BCL2: variants seen among roughly 807,000 people sequenced by gnomAD.
The protein encoded by BCL2 is BCL2 apoptosis regulator, also known as apoptosis regulator Bcl-2.
A neutral mutation model predicts 14.2 loss-of-function variants in BCL2; 1 was observed. The ratio of observed to expected loss-of-function variants is 0.07; its 90% confidence interval spans 0.02 to 0.33. The LOEUF is 0.33. Ranked by LOEUF, BCL2 falls within the 10% of genes least tolerant of loss-of-function variation. The probability of loss-of-function intolerance (pLI) is 0.99; values close to 1 mark genes in which losing one functional copy is unlikely to be tolerated. For synonymous variants in BCL2, 151 were observed against 137.2 expected (o/e 1.10, Z -0.70); for missense variants, 247 against 305.9 (o/e 0.81, Z 1.44).
rs1324896870 is a variant in BCL2, at chr18:63,311,026, CT to C, written c.585+7055del. Among the ~76,000 whole-genome samples, 1,248 of 140,134 alleles carry C rather than the reference CT, an allele frequency of 8.9e-3. 28 individuals are homozygous for C. The highest frequency in any genetic ancestry group is 0.053 in the Admixed American group (740 of 14,070). The allele number at this position is 140,134 out of a possible 152,430, so 91.9% of individuals were successfully genotyped here. ...AATGCTGCCATCCTTTATGGACTCG[CT>C]TTTTTTTTTTCAAGAAGATAAATCA... On this transcript the variant is annotated intron_variant, in intron 2 of 2. Coordinates refer to ENST00000333681, the MANE Select transcript of BCL2 (RefSeq NM_000633.3).
intron 2 of BCL2, among the ~76,000 whole-genome samples, chr18:63,269,652 C>T (rs1911946116): frequency 6.6e-6 from 1 of 152,160 alleles, no homozygotes; most frequent in African/African-American, 2.4e-5. Context: ...AAGCAACATA[C>T]ATCAGAGTTT....
chr18:63,318,526 G>T lies in BCL2; in HGVS notation c.141C>A (p.Gly47=). ...AAPPGAAPAP[G]IFSSQPGHTP... is the part of the protein sequence containing the mutation. The stretch of plus-strand genomic sequence containing the variant: ...TGTGCCCGGGCTGGGAGGAGAAGAT[G>T]CCCGGTGCGGGGGCGGCCCCCGGGG... The change falls in exon 2 of 3, where the codon GGC becomes GGA. Residue 47 remains glycine, a synonymous_variant. Transcript: ENST00000333681. The surrounding 1 kb of genome is among the most constrained non-coding windows in gnomAD (Gnocchi z 7.4). 1 of 1,575,394 alleles carries T rather than the reference G, an allele frequency of 6.3e-7. No individual in the cohort carries two copies. The highest frequency in any genetic ancestry group is 8.6e-7 in the Non-Finnish European group (1 of 1,166,090).
At chr18:63,281,836 T>C (rs1016693809) in intron 2 of BCL2, among the ~76,000 whole-genome samples, 14 of 152,356 alleles carry the variant, frequency 9.2e-5, no homozygotes, top group African/African-American at 3.4e-4. Flanking sequence ...AATTTTAACA[T>C]GTTAAGAACA....
chr18:63,169,377 T>TTCTTTCTTTCTTTCTTTCTTTC (rs1568222744), intron 2 of BCL2, among the ~76,000 whole-genome samples: 1 of 119,604 alleles, frequency 8.4e-6, no homozygotes, highest in East Asian at 3.0e-4. Context: ...TTCTCTTTCT[T>TTCTTTCTTTCTTTCTTTCTTTC]TCTTTCTTTC....
chr18:63,212,574 T>C (rs905324505), intron 2 of BCL2, among the ~76,000 whole-genome samples: 1 of 148,946 alleles, frequency 6.7e-6, no homozygotes, highest in Non-Finnish European at 1.5e-5. Context: ...CCAAGCTTTC[T>C]CAAATAAAAG....
rs765644873 is a variant in BCL2 at position 63,318,675 on chromosome 18, G to A, written c.-9C>T. Reference sequence around the variant, plus strand: ...CTCCCAGCGTGCGCCATCCTTCCCAGAGGAAAAGCAACGGGGGCCAACGGC... The same window carrying A: ...CTCCCAGCGTGCGCCATCCTTCCCAAAGGAAAAGCAACGGGGGCCAACGGC... On this transcript the variant is annotated 5_prime_UTR_variant, in exon 2 of 3. Coordinates refer to ENST00000333681, the MANE Select transcript of BCL2 (RefSeq NM_000633.3). The surrounding 1 kb of genome is among the most constrained non-coding windows in gnomAD (Gnocchi z 7.4). 1.2e-6 allele frequency: 2 copies of A among 1,612,452 alleles called. No homozygotes were observed. The highest frequency in any genetic ancestry group is 2.2e-5 in the South Asian group (2 of 91,056).
At chr18:63,258,902 G>A (rs957010124) in intron 2 of BCL2, among the ~76,000 whole-genome samples, 8 of 152,254 alleles carry the variant, frequency 5.3e-5, no homozygotes, top group African/African-American at 1.9e-4. Context: ...GAACAGTGGT[G>A]AGCTTGTCAC....
At position 63,318,282 on chromosome 18, in the gene BCL2, G is replaced by T. The variant is rs777784952; in HGVS notation, c.385C>A (p.Arg129Ser). 15 of 1,614,118 alleles carry T rather than the reference G, an allele frequency of 9.3e-6. No homozygotes were observed. The highest frequency in any genetic ancestry group is 1.3e-5 in the Non-Finnish European group (15 of 1,180,022). Residue 129 changes from arginine to serine, a missense_variant, in exon 2 of 3, where the codon CGC becomes AGC. Arg to Ser is a moderately radical substitution (Grantham distance 110). Coordinates refer to ENST00000333681, the MANE Select transcript of BCL2 (RefSeq NM_000633.3). This position sits in a 1 kb window ranked among gnomAD's most constrained non-coding sequence, Gnocchi z 7.4. ...AGCTCCTCCACCACCGTGGCAAAGCGTCCCCGCGCGGTGAAGGGCGTCAGG... is the reference window on the plus strand; with the variant it reads ...AGCTCCTCCACCACCGTGGCAAAGCTTCCCCGCGCGGTGAAGGGCGTCAGG... Reference protein sequence around the residue: ...LHLTPFTARGRFATVVEELFR... With the variant: ...LHLTPFTARGSFATVVEELFR...
Position 63,212,208 on chromosome 18 carries a change from C to T in BCL2, c.586-83449G>A, listed in dbSNP as rs575314079. Among the ~76,000 whole-genome samples, 601 of 151,418 alleles carry T rather than the reference C, an allele frequency of 4.0e-3. 20 individuals are homozygous for T. Among genetic ancestry groups the T allele is most frequent in the Non-Finnish European group, 6.7e-3 (451 of 67,672 alleles). ...GGGCGTGGTGGCGGGCGCCTGTAGT[C>T]CCAGCTACTCGGGAGGCTGAGGCGA... On this transcript the variant is annotated intron_variant, in intron 2 of 2. Coordinates refer to ENST00000333681, the MANE Select transcript of BCL2 (RefSeq NM_000633.3).
intron 2 of BCL2, among the ~76,000 whole-genome samples, chr18:63,173,108 G>A (rs1423449470): frequency 6.6e-6 from 1 of 152,026 alleles, no homozygotes; most frequent in Non-Finnish European, 1.5e-5. Context: ...TCTCCTTTTT[G>A]TTTTATTCCA....
At chr18:63,162,118 T>C (rs1568219997) in intron 2 of BCL2, among the ~76,000 whole-genome samples, 2 of 152,002 alleles carry the variant, frequency 1.3e-5, no homozygotes, top group Non-Finnish European at 2.9e-5. Context: ...CTGGAATGTG[T>C]CCATTAGAGG....
intron 2 of BCL2, among the ~76,000 whole-genome samples, chr18:63,129,600 G>T (rs890851351): frequency 5.3e-5 from 8 of 152,154 alleles, no homozygotes; most frequent in Non-Finnish European, 1.2e-4. Flanking sequence ...CCAATCTTAT[G>T]AAGTTATTTT....
At chr18:63,155,375 G>C (rs776395262) in intron 2 of BCL2, among the ~76,000 whole-genome samples, 1 of 152,130 alleles carries the variant, frequency 6.6e-6, no homozygotes, top group South Asian at 2.1e-4. Context: ...CAACAGTATC[G>C]GATGAGTCAC....
intron 2 of BCL2, among the ~76,000 whole-genome samples, chr18:63,200,408 C>T (rs1909655900): frequency 6.6e-6 from 1 of 152,198 alleles, no homozygotes. Flanking sequence ...CCAAAAGGGG[C>T]AATACATCTG....
At chr18:63,165,447 T>C (rs1416046755) in intron 2 of BCL2, among the ~76,000 whole-genome samples, 1 of 152,192 alleles carries the variant, frequency 6.6e-6, no homozygotes, top group Non-Finnish European at 1.5e-5. Flanking sequence ...CTCCCTGGCT[T>C]GGGGAGCCGC....
chr18:63,165,147 C>T (rs1206856167), intron 2 of BCL2, among the ~76,000 whole-genome samples: 1 of 152,046 alleles, frequency 6.6e-6, no homozygotes, highest in African/African-American at 2.4e-5. Context: ...TTATTGGGCG[C>T]CTACCATGTG....
intron 2 of BCL2, among the ~76,000 whole-genome samples, chr18:63,173,507 A>G (rs1028904666): frequency 1.3e-5 from 2 of 152,232 alleles, no homozygotes; most frequent in Admixed American, 1.3e-4. Flanking sequence ...TCAGACCTGG[A>G]GCAGAATTCG....
At chr18:63,284,431 A>T (rs1912405806) in intron 2 of BCL2, among the ~76,000 whole-genome samples, 1 of 152,220 alleles carries the variant, frequency 6.6e-6, no homozygotes, top group South Asian at 2.1e-4. Context: ...TGCTAAGCAC[A>T]GTCCCCAAAC....
At chr18:63,237,803 G>C (rs193227253) in intron 2 of BCL2, among the ~76,000 whole-genome samples, 2 of 152,366 alleles carry the variant, frequency 1.3e-5, no homozygotes, top group Admixed American at 1.3e-4. Context: ...GATGGAAACA[G>C]AGAATTAGCT....
Sources: allele counts gnomAD v4.1 joint callset (sites outside exome capture counted in the v4.1 genomes callset), GRCh38; gene constraint gnomAD v4.1.1; non-coding constraint Gnocchi (gnomAD v3.1); transcripts MANE v1.5; gene names NCBI Gene and HGNC (gene_info 2026-07-23, HGNC 2026-07-21).